Variants in SYCP2 observed in about 807,000 individuals in gnomAD.
The protein encoded by SYCP2 is synaptonemal complex lateral element protein.
In SYCP2, 55 loss-of-function variants were observed where a neutral mutation model predicts 211.3. The observed-to-expected ratio is 0.26, with a 90% CI of 0.21 to 0.33. SYCP2 has a LOEUF of 0.33. SYCP2 is among the 10% of genes least tolerant of loss of function. The probability of loss-of-function intolerance (pLI) is 1.00; values close to 1 mark genes in which losing one functional copy is unlikely to be tolerated. For synonymous variants in SYCP2, 570 were observed against 555.2 expected, an observed-to-expected ratio of 1.03 and a Z score of -0.37; for missense variants, 1,731 against 1,752.0, an observed-to-expected ratio of 0.99 and a Z score of 0.21.
At chr20:59,918,888 A>T (rs1486003257) in intron 7 of SYCP2, among the ~76,000 whole-genome samples, 1 of 152,110 alleles carries the variant, frequency 6.6e-6, no homozygotes, top group East Asian at 1.9e-4. Flanking sequence ...TACAACTATT[A>T]TATTTTCAAT....
chr20:59,875,609 TGAAA>T lies in SYCP2; in HGVS notation c.3151-144_3151-141del, dbSNP rs569568857. ...ATAACAAGGACCTAGACATGAGTAG[TGAAA>T]GACTTTCTAATATACTAGAAGCCAT... On this transcript the variant is annotated intron_variant, in intron 33 of 44. Coordinates refer to ENST00000357552, the MANE Select transcript of SYCP2 (RefSeq NM_014258.4). 2.7e-3 allele frequency: 1,560 copies of T among 576,996 alleles called. 11 individuals carry two copies. The highest frequency in any genetic ancestry group is 3.6e-3 in the Non-Finnish European group (1,208 of 339,240). The allele number at this position is 576,996 out of a possible 1,614,324, so 35.7% of individuals were successfully genotyped here.
rs2060232125 is a variant in SYCP2, at chr20:59,907,345, A to G, written c.1033+19T>C. ...TGGTAAGAATTAAGAAAATTATTAG[A>G]AAAAAACAAGTTTAATACCTTCAAT... On this transcript the variant is annotated intron_variant, in intron 15 of 44. Transcript: ENST00000357552. The G allele has an allele frequency of 6.5e-7, 1 of 1,547,762 alleles. No individual in the cohort carries two copies. The highest frequency in any genetic ancestry group is 8.9e-7 in the Non-Finnish European group (1 of 1,128,244).
In SYCP2 at chr20:59,932,104, G is replaced by C. The variant is rs1026251531; in HGVS notation, c.-89C>G. ...TCTGGGCTCCAGTCTACTGAACTGG[G>C]GGACTGGTTAGCGAGCAACACAGAG... On this transcript the variant is annotated 5_prime_UTR_variant, in exon 2 of 45. Transcript: ENST00000357552. 2 of 152,214 alleles carry C rather than the reference G, an allele frequency of 1.3e-5. No individual in the cohort carries two copies. The highest frequency in any genetic ancestry group is 2.1e-4 in the South Asian group (1 of 4,808). 9.4% of individuals were successfully genotyped at this position (152,214 alleles called of 1,614,324 possible).
chr20:59,873,698 ATCTCTCTCT>A (rs2059497251), intron 35 of SYCP2, among the ~76,000 whole-genome samples, 149 bp downstream of exon 35: 1 of 152,076 alleles, frequency 6.6e-6, no homozygotes, highest in African/African-American at 2.4e-5. Flanking sequence ...ACTGGCAAGT[ATCTCTCTCT>A]TGTCATTATG....
At chr20:59,910,374 A>ATTTTTTTTTTTTTTTTTTTT (rs898302276) in intron 14 of SYCP2, among the ~76,000 whole-genome samples, 1 of 76,262 alleles carries the variant, frequency 1.3e-5, no homozygotes, top group Non-Finnish European at 2.5e-5. Flanking sequence ...GTAATTGCTT[A>ATTTTTTTTTTTTTTTTTTTT]TTTTTTTTTT....
chr20:59,865,742 A>T lies in SYCP2; in HGVS notation c.4379+65T>A, dbSNP rs2059319232. On this transcript the variant is annotated intron_variant, in intron 42 of 44. Coordinates refer to ENST00000357552, the MANE Select transcript of SYCP2 (RefSeq NM_014258.4). ...AGTATATATAATTTTAATTTTTCAA[A>T]TAGAAATTTATTAATTTAAAAATCT... is the stretch of plus-strand genomic sequence containing the variant. 4 of 1,091,460 alleles carry T rather than the reference A, an allele frequency of 3.7e-6. No homozygotes were observed. The African/African-American group carries it at 5.0e-5, about 14-fold the overall frequency. 67.6% of individuals were successfully genotyped at this position (1,091,460 alleles called of 1,614,324 possible).
At chr20:59,898,824 AAAAT>A (rs1303685631) in intron 18 of SYCP2, among the ~76,000 whole-genome samples, 18 of 152,220 alleles carry the variant, frequency 1.2e-4, no homozygotes, top group Admixed American at 2.0e-4. Flanking sequence ...TAAAGGTAAA[AAAAT>A]AAATAATGTT....
intron 24 of SYCP2, among the ~76,000 whole-genome samples, chr20:59,888,261 T>C (rs765022167): frequency 6.6e-6 from 1 of 151,950 alleles, no homozygotes; most frequent in African/African-American, 2.4e-5. Context: ...ATCAGCAATA[T>C]CAGCAAATCA....
chr20:59,900,110 T>C, intron 18 of SYCP2, 28 bp downstream of exon 18: 1 of 1,608,734 alleles, frequency 6.2e-7, no homozygotes, highest in Non-Finnish European at 8.5e-7. Flanking sequence ...GGTAGTTTTA[T>C]AAGCCAGTAT....
At chr20:59,914,366 A>C in intron 10 of SYCP2, 115 bp from the exon 11 acceptor site, 2 of 512,402 alleles carry the variant, frequency 3.9e-6, no homozygotes, top group Non-Finnish European at 6.5e-6. Flanking sequence ...TATTAATGTA[A>C]TTGATTAATC....
At position 59,864,032 on chromosome 20, in the gene SYCP2, C is replaced by G. The variant is rs1328561968; in HGVS notation, c.*279G>C. On this transcript the variant is annotated 3_prime_UTR_variant, in exon 45 of 45. Transcript: ENST00000357552. ...TAAAATTTAATTTATTAAAGAAACTCATTTTATGAGTATAATTAACTCAAA... is the reference window on the plus strand; with the variant it reads ...TAAAATTTAATTTATTAAAGAAACTGATTTTATGAGTATAATTAACTCAAA... The G allele has an allele frequency of 4.7e-6, 1 of 211,278 alleles. No homozygotes were observed. Among genetic ancestry groups the G allele is most frequent in the Non-Finnish European group, 9.3e-6 (1 of 107,208 alleles). The allele number at this position is 211,278 out of a possible 1,614,324, so 13.1% of individuals were successfully genotyped here.
chr20:59,903,524 T>C (rs2060157045), intron 15 of SYCP2, among the ~76,000 whole-genome samples: 1 of 151,972 alleles, frequency 6.6e-6, no homozygotes, highest in Non-Finnish European at 1.5e-5. Context: ...ATACAAAAAA[T>C]ATGAACTGAT....
intron 15 of SYCP2, among the ~76,000 whole-genome samples, chr20:59,904,412 C>G (rs1239240033): frequency 6.6e-6 from 1 of 152,120 alleles, no homozygotes; most frequent in South Asian, 2.1e-4. Context: ...TCATCATCAA[C>G]AGACTGGGAT....
In SYCP2 at chr20:59,886,590, G is replaced by A. The variant is rs1046396838; in HGVS notation, c.2492+117C>T. The A allele has an allele frequency of 2.6e-4, 177 of 684,514 alleles. 1 individual carries two copies. The highest frequency in any genetic ancestry group is 1.2e-3 in the South Asian group (42 of 34,622). The allele number at this position is 684,514 out of a possible 1,614,324, so 42.4% of individuals were successfully genotyped here. A position where few individuals can be genotyped will look rare whatever the true frequency, so the allele number is the denominator to read the frequency against. On this transcript the variant is annotated intron_variant, in intron 25 of 44. Coordinates refer to ENST00000357552, the MANE Select transcript of SYCP2 (RefSeq NM_014258.4). ...TTATAAAAGTATTAAGTAACCATGTGTTTTCTACTGAAAAGTTACATTATC... is the reference window on the plus strand; with the variant it reads ...TTATAAAAGTATTAAGTAACCATGTATTTTCTACTGAAAAGTTACATTATC...
Position 59,880,344 on chromosome 20 carries a change from C to G in SYCP2, c.2900G>C (p.Ser967Thr). ...PKSKPQLIDYSRNKNVKNHKS... is the reference protein window; with the variant it reads ...PKSKPQLIDYTRNKNVKNHKS... ...ATGATTCTTCACATTTTTATTTCTG[C>G]TATAGTCTATTAGCTGTGGTTTTGA... Residue 967 changes from serine (S) to threonine (T), a missense_variant, in exon 31 of 45, where the codon AGC becomes ACC. Physicochemically the swap from Ser to Thr is moderately conservative, Grantham distance 58. Transcript: ENST00000357552. The G allele has an allele frequency of 6.3e-7, 1 of 1,595,964 alleles. No homozygotes were observed. Among genetic ancestry groups the G allele is most frequent in the Non-Finnish European group, 8.6e-7 (1 of 1,168,654 alleles).
rs779891839 is a variant in SYCP2, at chr20:59,867,014, CAAAAAA to C, written c.4126-431_4126-426del. On this transcript the variant is annotated intron_variant, in intron 39 of 44. Coordinates refer to ENST00000357552, the MANE Select transcript of SYCP2 (RefSeq NM_014258.4). ...TATTCAGATTAGGTTGGCCTTGGGCCAAAAAAAAAAAAAAAAAAAAAGAAACAGAAA... is the reference window on the plus strand; with the variant it reads ...TATTCAGATTAGGTTGGCCTTGGGCCAAAAAAAAAAAAAAAGAAACAGAAA... Among the ~76,000 whole-genome samples the C allele has an allele frequency of 7.7e-3, 467 of 60,422 alleles. 4 individuals carry two copies. Among genetic ancestry groups the C allele is most frequent in the African/African-American group, 0.022 (362 of 16,812 alleles). 39.6% of individuals were successfully genotyped at this position (60,422 alleles called of 152,430 possible). A position where few individuals can be genotyped will look rare whatever the true frequency, so the allele number is the denominator to read the frequency against.
Position 59,865,796 on chromosome 20 carries a change from G to A in SYCP2, c.4379+11C>T. On this transcript the variant is annotated intron_variant, in intron 42 of 44. Coordinates refer to ENST00000357552, the MANE Select transcript of SYCP2 (RefSeq NM_014258.4). ...TTTATAGATTATAGCCATTAAGAAT[G>A]TCATACTAACCTCTGTTGTTCGCTT... The A allele has an allele frequency of 7.3e-7, 1 of 1,361,878 alleles. No individual in the cohort carries two copies. The highest frequency in any genetic ancestry group is 9.8e-7 in the Non-Finnish European group (1 of 1,024,752). 84.4% of individuals were successfully genotyped at this position (1,361,878 alleles called of 1,614,324 possible).
At chr20:59,920,617 A>G (rs943063654) in intron 4 of SYCP2, 130 bp from the exon 5 acceptor site, 5 of 722,118 alleles carry the variant, frequency 6.9e-6, no homozygotes, top group Admixed American at 2.7e-5. Flanking sequence ...AATCATCTCT[A>G]TATTGCAACA....
intron 3 of SYCP2, among the ~76,000 whole-genome samples, chr20:59,921,763 G>A (rs981536536): frequency 2.6e-5 from 4 of 151,254 alleles, no homozygotes; most frequent in African/African-American, 9.7e-5. Context: ...AAATTTTAAA[G>A]TAACGAACAC....
Sources: gnomAD v4.1 joint callset for allele counts (sites outside exome capture counted in the v4.1 genomes callset) on GRCh38, gnomAD v4.1.1 for gene constraint, MANE v1.5 for transcripts, NCBI Gene and HGNC (gene_info 2026-07-23, HGNC 2026-07-21) for gene names.